The following USP53 variants were observed in gnomAD, a reference collection of about 807,000 sequenced individuals.
The protein encoded by USP53 is ubiquitin carboxyl-terminal hydrolase 53.
In USP53, 71 loss-of-function variants were observed where a neutral mutation model predicts 94.9. That is an observed-to-expected ratio of 0.75 (90% CI 0.62 to 0.91). The LOEUF is 0.91. Ranked by LOEUF, USP53 falls within the 40% of genes least tolerant of loss-of-function variation. The pLI is 0.00. For synonymous variants in USP53, 375 were observed against 422.7 expected (o/e 0.89, Z 1.39); for missense variants, 1,173 against 1,281.0 (o/e 0.92, Z 1.29).
chr4:119,213,513 A>G (rs1235156520), intron 1 of USP53, among the ~76,000 whole-genome samples: 1 of 151,846 alleles, frequency 6.6e-6, no homozygotes, highest in African/African-American at 2.4e-5. Flanking sequence ...AGGGTTTCTA[A>G]AACCTGCAAT....
At chr4:119,245,656 C>T (rs1748133069) in intron 6 of USP53, among the ~76,000 whole-genome samples, 1 of 152,114 alleles carries the variant, frequency 6.6e-6, no homozygotes. Flanking sequence ...TTGTTAGGAA[C>T]ATTATCTTTT....
Position 119,260,503 on chromosome 4 carries a change from G to C in USP53, c.676-4G>C, listed in dbSNP as rs1335157617. On this transcript the variant is annotated splice_region_variant and splice_polypyrimidine_tract_variant and intron_variant, in intron 10 of 18. Coordinates refer to ENST00000692078, the MANE Select transcript of USP53 (RefSeq NM_001371395.1). ...AATTTTAAAACTTTTATGTTTTTCT[G>C]TAGAGTAACTGTGGCCAAAAAATAA... 3 of 1,612,352 alleles carry C rather than the reference G, an allele frequency of 1.9e-6. No individual in the cohort carries two copies. Among genetic ancestry groups the C allele is most frequent in the Admixed American group, 1.7e-5 (1 of 59,848 alleles).
At chr4:119,247,853 G>A (rs1311228805) in intron 6 of USP53, among the ~76,000 whole-genome samples, 1 of 152,082 alleles carries the variant, frequency 6.6e-6, no homozygotes, top group East Asian at 1.9e-4. Flanking sequence ...AATAATTATA[G>A]TTCTGGGTAT....
intron 13 of USP53, among the ~76,000 whole-genome samples, chr4:119,267,933 C>T (rs867466323): frequency 1.7e-4 from 26 of 151,358 alleles, no homozygotes; most frequent in Non-Finnish European, 2.7e-4. Context: ...TTTGGGAGGC[C>T]GAGGCGGGTG....
chr4:119,292,713 T>C lies in USP53; in HGVS notation c.2724T>C (p.Asp908=). ...TAATTCGGTCAGCCAGCAGATCTGA[T>C]GGGTGTCAGATGCCAAAACTTTTTT... is the stretch of plus-strand genomic sequence containing the variant. ...ECIIRSASRS[D]GCQMPKLFCQ... is the part of the protein sequence containing the mutation. The change falls in exon 19 of 19, where the codon GAT becomes GAC. Residue 908 remains aspartate, a synonymous_variant. Transcript: ENST00000692078. 6.2e-7 allele frequency: 1 copy of C among 1,614,116 alleles called. No homozygotes were observed. The highest frequency in any genetic ancestry group is 8.5e-7 in the Non-Finnish European group (1 of 1,179,964).
chr4:119,267,746 A>C (rs147932202), intron 13 of USP53, among the ~76,000 whole-genome samples: 384 of 152,336 alleles, frequency 2.5e-3, no homozygotes, highest in Non-Finnish European at 3.9e-3. Flanking sequence ...CTAGAAGTAC[A>C]TTTTAAGTGA....
At chr4:119,266,125 A>G (rs779996028) in intron 12 of USP53, among the ~76,000 whole-genome samples, 8 of 152,192 alleles carry the variant, frequency 5.3e-5, no homozygotes, top group Non-Finnish European at 1.0e-4. Context: ...CTCTTACAGT[A>G]TGTACTACTG....
chr4:119,253,216 G>A (rs1158953130), intron 7 of USP53, among the ~76,000 whole-genome samples: 1 of 152,136 alleles, frequency 6.6e-6, no homozygotes, highest in Non-Finnish European at 1.5e-5. Flanking sequence ...GTAGAGTTCT[G>A]TAGATGTCTA....
intron 17 of USP53, among the ~76,000 whole-genome samples, chr4:119,287,352 T>A (rs1442406041): frequency 6.6e-6 from 1 of 152,098 alleles, no homozygotes; most frequent in Non-Finnish European, 1.5e-5. Context: ...GGAGCGATGT[T>A]GGCATAGAGG....
chr4:119,265,853 GT>G (rs1462293687), intron 12 of USP53, among the ~76,000 whole-genome samples: 3 of 152,090 alleles, frequency 2.0e-5, no homozygotes, highest in Non-Finnish European at 2.9e-5. Context: ...TGTTTGGTTG[GT>G]TTTGTTTTGC....
chr4:119,257,704 C>T (rs956808997), intron 9 of USP53, among the ~76,000 whole-genome samples: 2 of 151,988 alleles, frequency 1.3e-5, no homozygotes, highest in Admixed American at 6.6e-5. Context: ...ATAACAATTT[C>T]GTTATTTGGG....
intron 12 of USP53, among the ~76,000 whole-genome samples, chr4:119,265,571 G>A (rs1366541275): frequency 1.3e-5 from 2 of 152,000 alleles, no homozygotes; most frequent in African/African-American, 4.8e-5. Context: ...CTCAGGAGAT[G>A]GAGTCATGAG....
In USP53 at chr4:119,271,845, G is replaced by A; in HGVS notation, c.1985G>A (p.Gly662Glu). The A allele has an allele frequency of 6.2e-7, 1 of 1,613,282 alleles. No homozygotes were observed. Among genetic ancestry groups the A allele is most frequent in the Non-Finnish European group, 8.5e-7 (1 of 1,179,834 alleles). Residue 662 changes from glycine to glutamate, a missense_variant, in exon 16 of 19, where the codon GGA becomes GAA. Coordinates refer to ENST00000692078, the MANE Select transcript of USP53 (RefSeq NM_001371395.1). ...AGTTCCCTTGAATCTAATGGAAAAG[G>A]AGCAGAGAAAAATAAAGGCCTTGTA... Reference protein sequence around the residue: ...SRSSLESNGKGAEKNKGLVEG... With the variant: ...SRSSLESNGKEAEKNKGLVEG...
chr4:119,213,281 C>G (rs1382998318), intron 1 of USP53: 1 of 152,312 alleles, frequency 6.6e-6, no homozygotes, highest in Non-Finnish European at 1.5e-5. Context: ...CTCGCCTGAG[C>G]ACACAGTTTT....
At chr4:119,228,358 T>A (rs1480589444) in intron 3 of USP53, among the ~76,000 whole-genome samples, 1 of 152,186 alleles carries the variant, frequency 6.6e-6, no homozygotes, top group Non-Finnish European at 1.5e-5. Flanking sequence ...ACATCAAGTC[T>A]TTCTCATGCT....
chr4:119,287,204 A>AT (rs576149873), intron 17 of USP53, among the ~76,000 whole-genome samples: 41 of 148,352 alleles, frequency 2.8e-4, no homozygotes, highest in Admixed American at 1.8e-3. Context: ...TTCTGGGCAA[A>AT]TTTTTTTTTT....
intron 14 of USP53, among the ~76,000 whole-genome samples, chr4:119,269,230 T>G (rs1476915799): frequency 6.6e-6 from 1 of 152,216 alleles, no homozygotes; most frequent in Admixed American, 6.5e-5. Flanking sequence ...TATATGTGTG[T>G]AAGAATAGAA....
intron 2 of USP53, among the ~76,000 whole-genome samples, chr4:119,217,190 G>A (rs1001038550): frequency 6.6e-6 from 1 of 152,134 alleles, no homozygotes; most frequent in Non-Finnish European, 1.5e-5. Flanking sequence ...GGTATTCTTT[G>A]CCCATCAGAT....
At chr4:119,282,096 C>A (rs1025717769) in intron 17 of USP53, among the ~76,000 whole-genome samples, 3 of 152,126 alleles carry the variant, frequency 2.0e-5, no homozygotes, top group African/African-American at 7.2e-5. Context: ...TGAGTTATTT[C>A]ACTTAGCATG....
Sources: gnomAD v4.1 joint callset for allele counts (sites outside exome capture counted in the v4.1 genomes callset) on GRCh38, gnomAD v4.1.1 for gene constraint, MANE v1.5 for transcripts, NCBI Gene and HGNC (gene_info 2026-07-23, HGNC 2026-07-21) for gene names.